Variants in CCDC141 observed in about 807,000 individuals in gnomAD.
The protein encoded by CCDC141 is coiled-coil domain containing 141.
Under a neutral mutation model 181.0 loss-of-function variants are expected in CCDC141, and 168 were observed. The ratio of observed to expected loss-of-function variants is 0.93; its 90% CI spans 0.82 to 1.05. CCDC141 has a LOEUF of 1.05. CCDC141 is among the 50% of genes least tolerant of loss of function. The pLI is 0.00. For missense variants in CCDC141, 1,902 were observed against 1,788.5 expected, an observed-to-expected ratio of 1.06 and a Z score of -1.14; for synonymous variants, 666 against 642.3, an observed-to-expected ratio of 1.04 and a Z score of -0.56.
chr2:178,825,913 A>C (rs560149433), downstream of CCDC141, among the ~76,000 whole-genome samples: 12 of 152,278 alleles, frequency 7.9e-5, no homozygotes, highest in South Asian at 2.5e-3. Context: ...GAAAGTCATG[A>C]TATCTGTAAA....
chr2:178,882,933 G>C (rs979822009), intron 11 of CCDC141, among the ~76,000 whole-genome samples: 1 of 152,132 alleles, frequency 6.6e-6, no homozygotes, highest in Admixed American at 6.6e-5. Context: ...AGGAAAGCCA[G>C]AGGAGGAGTG....
intron 2 of CCDC141, among the ~76,000 whole-genome samples, chr2:179,045,310 A>G (rs1172391432): frequency 7.4e-6 from 1 of 134,298 alleles, no homozygotes; most frequent in Admixed American, 7.7e-5. Flanking sequence ...ATGATTTCCA[A>G]TTTCATCCAT....
At chr2:179,011,346 T>A (rs1046727969) in intron 2 of CCDC141, among the ~76,000 whole-genome samples, 2 of 152,028 alleles carry the variant, frequency 1.3e-5, no homozygotes, top group Admixed American at 1.3e-4. Flanking sequence ...AAAACAAACT[T>A]TAAAGCAACA....
At chr2:178,853,878 A>G (rs1685271982) in intron 19 of CCDC141, among the ~76,000 whole-genome samples, 1 of 152,238 alleles carries the variant, frequency 6.6e-6, no homozygotes, top group African/African-American at 2.4e-5. Context: ...ATGAAAATAT[A>G]TTTGATTCTC....
intron 2 of CCDC141, among the ~76,000 whole-genome samples, chr2:179,026,231 C>G (rs2042840277): frequency 6.6e-6 from 1 of 152,212 alleles, no homozygotes; most frequent in Non-Finnish European, 1.5e-5. Flanking sequence ...CCTTCCATCA[C>G]AAGCCCAGAG....
chr2:178,992,542 CT>C (rs1692106038), intron 2 of CCDC141, among the ~76,000 whole-genome samples: 1 of 152,074 alleles, frequency 6.6e-6, no homozygotes, highest in South Asian at 2.1e-4. Context: ...CTGTTTCTCT[CT>C]GTAAGAGGAC....
intron 8 of CCDC141, among the ~76,000 whole-genome samples, chr2:178,901,462 C>G (rs547614927): frequency 5.7e-4 from 86 of 152,168 alleles, no homozygotes; most frequent in African/African-American, 1.9e-3. Context: ...ATACGCAAAT[C>G]AATAAATGTA....
intron 2 of CCDC141, among the ~76,000 whole-genome samples, chr2:179,015,360 C>CCATATATGTATCATATATATCT (rs1559049459): frequency 3.1e-5 from 1 of 32,720 alleles, no homozygotes; most frequent in East Asian, 1.5e-3. Flanking sequence ...CATACATATC[C>CCATATATGTATCATATATATCT]CATATATGTA....
At chr2:179,007,141 G>A (rs1049206740) in intron 2 of CCDC141, among the ~76,000 whole-genome samples, 1 of 152,180 alleles carries the variant, frequency 6.6e-6, no homozygotes, top group Non-Finnish European at 1.5e-5. Flanking sequence ...TTTCTGCTGA[G>A]GGTATCTGTA....
intron 8 of CCDC141, among the ~76,000 whole-genome samples, chr2:178,891,808 T>C (rs1265779633): frequency 6.6e-6 from 1 of 152,006 alleles, no homozygotes; most frequent in African/African-American, 2.4e-5. Context: ...TGTTTTTCAG[T>C]AACCTTGGAG....
chr2:178,819,694 T>G, the CCDC141 span, among the ~76,000 whole-genome samples: 2 of 152,112 alleles, frequency 1.3e-5, no homozygotes, highest in African/African-American at 4.8e-5. Context: ...GTAGAACCCA[T>G]AAATGCTGCT....
intron 14 of CCDC141, 121 bp downstream of exon 14, chr2:178,871,306 C>A: frequency 1.7e-6 from 2 of 1,165,804 alleles, no homozygotes; most frequent in African/African-American, 1.6e-5. Context: ...TTTAGACAAG[C>A]AATACTTTTG....
At chr2:178,852,293 C>A (rs960964267) in intron 20 of CCDC141, among the ~76,000 whole-genome samples, 2 of 152,074 alleles carry the variant, frequency 1.3e-5, no homozygotes, top group Admixed American at 6.6e-5. Flanking sequence ...AGGCACTGAT[C>A]CAGGCACAAA....
intron 5 of CCDC141, among the ~76,000 whole-genome samples, chr2:178,953,169 G>A (rs1473996817): frequency 6.6e-6 from 1 of 152,182 alleles, no homozygotes; most frequent in Non-Finnish European, 1.5e-5. Flanking sequence ...GGGCGTGGTG[G>A]CTCACGCCTA....
chr2:178,903,831 G>T (rs1403742717), intron 8 of CCDC141, among the ~76,000 whole-genome samples: 2 of 151,720 alleles, frequency 1.3e-5, no homozygotes, highest in East Asian at 3.9e-4. Context: ...CAAGCAAAGA[G>T]TAGCCTGACC....
chr2:178,888,477 T>C (rs1686991213), intron 9 of CCDC141, 50 bp downstream of exon 9: 1 of 1,515,850 alleles, frequency 6.6e-7, no homozygotes, highest in African/African-American at 1.4e-5. Flanking sequence ...CCCTACCATA[T>C]CATCTATTAT....
At chr2:178,943,096 C>CT (rs988546322) in intron 6 of CCDC141, among the ~76,000 whole-genome samples, 4 of 152,054 alleles carry the variant, frequency 2.6e-5, no homozygotes, top group Non-Finnish European at 4.4e-5. Context: ...CTATATACTG[C>CT]TTTTTTTGGT....
rs554319522 is a variant in CCDC141, at chr2:178,961,346, G to A, written c.664C>T (p.Arg222Cys). ...CTGTCTTGTAGAAGTTCAAGAAGGC[G>A]GTCAACCTTCAGACAGCTGCTATGA... ...GAHSSCLKVD[R>C]LLELLQDRRR... is the part of the protein sequence containing the mutation. Residue 222 changes from arginine (R) to cysteine (C), a missense_variant, in exon 5 of 24, where the codon CGC becomes TGC. Physicochemically the swap from Arg to Cys is radical, Grantham distance 180. Transcript: ENST00000443758. 5.9e-5 allele frequency: 92 copies of A among 1,550,356 alleles called. No homozygotes were observed. Among genetic ancestry groups the A allele is most frequent in the Middle Eastern group, 3.3e-4 (2 of 6,016 alleles).
At chr2:178,926,034 A>T (rs1018430678) in intron 6 of CCDC141, among the ~76,000 whole-genome samples, 2 of 152,172 alleles carry the variant, frequency 1.3e-5, no homozygotes, top group Admixed American at 6.5e-5. Context: ...AGACTTTTTT[A>T]AAAAGGCTCT....
Sources: gnomAD v4.1 joint callset for allele counts (sites outside exome capture counted in the v4.1 genomes callset) on GRCh38, gnomAD v4.1.1 for gene constraint, MANE v1.5 for transcripts, NCBI Gene and HGNC (gene_info 2026-07-23, HGNC 2026-07-21) for gene names.